The following PLA2G4C variants were observed in gnomAD, a reference collection of about 807,000 sequenced individuals.
PLA2G4C encodes cytosolic phospholipase A2 gamma.
Under a neutral mutation model 73.8 loss-of-function variants are expected in PLA2G4C, and 64 were observed. The ratio of observed to expected loss-of-function variants is 0.87; its 90% CI spans 0.71 to 1.07. The LOEUF (loss-of-function observed/expected upper bound fraction) is 1.07, where lower values mean the gene tolerates loss of function less well. Ranked by LOEUF, PLA2G4C falls within the 50% of genes least tolerant of loss-of-function variation. The pLI is 0.00. For synonymous variants in PLA2G4C, 254 were observed against 252.1 expected, an observed-to-expected ratio of 1.01 and a Z score of -0.07; for missense variants, 622 against 665.4, an observed-to-expected ratio of 0.93 and a Z score of 0.72.
chr19:48,098,133 G>C lies in PLA2G4C; in HGVS notation c.568+6C>G. Reference sequence around the variant, plus strand: ...TACCTCTCCCTCCCTCTAAATGTTTGCTTACCTGGTGCTCTTGCCTCCTGC... The same window carrying C: ...TACCTCTCCCTCCCTCTAAATGTTTCCTTACCTGGTGCTCTTGCCTCCTGC... On this transcript the variant is annotated splice_donor_region_variant and intron_variant, in intron 6 of 16. Transcript: ENST00000599921. The C allele has an allele frequency of 6.2e-7, 1 of 1,613,082 alleles. No individual in the cohort carries two copies. Among genetic ancestry groups the C allele is most frequent in the African/African-American group, 1.3e-5 (1 of 74,986 alleles).
intron 14 of PLA2G4C, among the ~76,000 whole-genome samples, chr19:48,058,212 T>A (rs1235421988): frequency 1.3e-5 from 2 of 151,716 alleles, no homozygotes; most frequent in African/African-American, 4.8e-5. Context: ...GGCAGGAGAA[T>A]CGCTTGAACC....
At chr19:48,091,901 AAAAAAAAAT>A (rs1188469276) in intron 7 of PLA2G4C, among the ~76,000 whole-genome samples, 19 of 147,784 alleles carry the variant, frequency 1.3e-4, no homozygotes, top group Non-Finnish European at 2.1e-4. Flanking sequence ...AAAAAAAAAA[AAAAAAAAAT>A]AGACACACCC....
chr19:48,055,105 AAGACCCCTGG>A (rs1967887003), intron 14 of PLA2G4C, 56 bp from the exon 15 acceptor site: 2 of 1,443,352 alleles, frequency 1.4e-6, no homozygotes, highest in Non-Finnish European at 1.9e-6. Context: ...ACCCCTCCAG[AAGACCCCTGG>A]GGCCTGGAGA....
intron 6 of PLA2G4C, among the ~76,000 whole-genome samples, chr19:48,095,988 T>C (rs927529632): frequency 2.0e-5 from 3 of 152,180 alleles, no homozygotes; most frequent in Non-Finnish European, 2.9e-5. Flanking sequence ...GTCATTAGAA[T>C]ATTCCAGGGA....
chr19:48,104,469 C>T (rs251672), intron 4 of PLA2G4C, 119 bp downstream of exon 4: 9,960 of 928,016 alleles, frequency 0.011, 85 homozygotes, highest in Middle Eastern at 0.034. Flanking sequence ...GGACACCCAG[C>T]TAGTACCAGA....
In PLA2G4C at chr19:48,077,975, C is replaced by T. The variant is rs1175179043; in HGVS notation, c.845-151G>A. The T allele has an allele frequency of 2.1e-5, 12 of 572,262 alleles. No individual in the cohort carries two copies. The East Asian group carries it at 2.4e-4, about 11-fold the overall frequency. 35.4% of individuals were successfully genotyped at this position (572,262 alleles called of 1,614,324 possible). On this transcript the variant is annotated intron_variant, in intron 10 of 16. Transcript: ENST00000599921. ...GGTTCTGGAGAGCTAATTTTGTACC[C>T]GTCTTCCAACTCTGTGCTCGCTGAC...
chr19:48,075,981 A>T (rs1463870126), intron 11 of PLA2G4C, among the ~76,000 whole-genome samples: 1 of 152,246 alleles, frequency 6.6e-6, no homozygotes, highest in South Asian at 2.1e-4. Flanking sequence ...GCCATGTGGC[A>T]AGAAGTTGGC....
chr19:48,067,720 A>C lies in PLA2G4C; in HGVS notation c.1102+71T>G, dbSNP rs1600181029. On this transcript the variant is annotated intron_variant, in intron 13 of 16. Transcript: ENST00000599921. ...ACCAGCCTGGGATTGTTTCAGGCCC[A>C]CCCCCTTCCCCTACTCCAGCCCATT... is the stretch of plus-strand genomic sequence containing the variant. 6 of 1,034,216 alleles carry C rather than the reference A, an allele frequency of 5.8e-6. No individual in the cohort carries two copies. In the East Asian group the frequency reaches 1.4e-4, roughly 25 times the overall value. 64.1% of individuals were successfully genotyped at this position (1,034,216 alleles called of 1,614,324 possible).
At chr19:48,096,603 C>T (rs1370271581) in intron 6 of PLA2G4C, 1 of 152,522 alleles carries the variant, frequency 6.6e-6, no homozygotes, top group African/African-American at 2.4e-5. Flanking sequence ...AACAGACAAA[C>T]ACCATTCACA....
intron 10 of PLA2G4C, among the ~76,000 whole-genome samples, chr19:48,080,319 A>C (rs1458950527): frequency 6.6e-6 from 1 of 151,998 alleles, no homozygotes; most frequent in Non-Finnish European, 1.5e-5. Context: ...ATAAAAATTC[A>C]AAAAAAACCA....
chr19:48,084,748 CTATTAT>C (rs1380864962), intron 10 of PLA2G4C, among the ~76,000 whole-genome samples: 1 of 152,200 alleles, frequency 6.6e-6, no homozygotes, highest in African/African-American at 2.4e-5. Context: ...CTCATAACTA[CTATTAT>C]TATCACCCAC....
Position 48,110,545 on chromosome 19 carries a change from G to T in PLA2G4C, c.-91C>A, listed in dbSNP as rs1309140069. The T allele has an allele frequency of 5.9e-6, 9 of 1,529,534 alleles. No homozygotes were observed. The highest frequency in any genetic ancestry group is 7.9e-6 in the Non-Finnish European group (9 of 1,141,384). The allele number at this position is 1,529,534 out of a possible 1,614,324, so 94.7% of individuals were successfully genotyped here. A position where few individuals can be genotyped will look rare whatever the true frequency, so the allele number is the denominator to read the frequency against. Reference sequence around the variant, plus strand: ...GGTGGAGCTTGTGCTCCGGAATCCGGTGCGGAGGCTTGGGCTCCCTGCGCT... The same window carrying T: ...GGTGGAGCTTGTGCTCCGGAATCCGTTGCGGAGGCTTGGGCTCCCTGCGCT... On this transcript the variant is annotated 5_prime_UTR_variant, in exon 1 of 17. Coordinates refer to ENST00000599921, the MANE Select transcript of PLA2G4C (RefSeq NM_003706.3).
intron 8 of PLA2G4C, chr19:48,090,068 T>A: frequency 2.7e-6 from 1 of 373,468 alleles, no homozygotes; most frequent in Non-Finnish European, 4.9e-6. Flanking sequence ...ATAACTACTG[T>A]TATTATCACC....
intron 1 of PLA2G4C, among the ~76,000 whole-genome samples, chr19:48,107,030 A>T (rs2032270350): frequency 6.6e-6 from 1 of 152,104 alleles, no homozygotes; most frequent in East Asian, 1.9e-4. Flanking sequence ...TTTTTAGTAG[A>T]GATGGGGTTT....
At position 48,072,868 on chromosome 19, in the gene PLA2G4C, A is replaced by G. The variant is rs1377368300; in HGVS notation, c.1006+1899T>C. 1.3e-5 allele frequency: 2 copies of G among 152,258 alleles called. No homozygotes were observed. Among genetic ancestry groups the G allele is most frequent in the Non-Finnish European group, 2.9e-5 (2 of 68,068 alleles). The allele number at this position is 152,258 out of a possible 1,614,324, so 9.4% of individuals were successfully genotyped here. On this transcript the variant is annotated intron_variant, in intron 12 of 16. Transcript: ENST00000599921. This position sits in a 1 kb window ranked among gnomAD's most constrained non-coding sequence, Gnocchi z 4.4. ...TGTGTCTGTGCCTGGACACCGGGTCATCACAGAGGTGAGAGGTTGGATGTC... is the reference window on the plus strand; with the variant it reads ...TGTGTCTGTGCCTGGACACCGGGTCGTCACAGAGGTGAGAGGTTGGATGTC...
intron 6 of PLA2G4C, chr19:48,096,604 A>G (rs1325169769): frequency 6.6e-6 from 1 of 152,418 alleles, no homozygotes; most frequent in Non-Finnish European, 1.5e-5. Context: ...ACAGACAAAC[A>G]CCATTCACAC....
chr19:48,110,458 A>C (rs2032437854), intron 1 of PLA2G4C, 29 bp downstream of exon 1: 3 of 1,399,026 alleles, frequency 2.1e-6, no homozygotes, highest in Non-Finnish European at 2.7e-6. Flanking sequence ...CAGCGGGATG[A>C]AACAGCCCTC....
chr19:48,100,694 G>A (rs546745880), intron 4 of PLA2G4C, among the ~76,000 whole-genome samples: 1 of 150,602 alleles, frequency 6.6e-6, no homozygotes, highest in Non-Finnish European at 1.5e-5. Context: ...CGGATCACGA[G>A]GTCAGGAGAT....
Position 48,110,550 on chromosome 19 carries a change from G to GAGGCTTGGGCTCCGGAATCCGGTGCGC in PLA2G4C, c.-97_-96insGCGCACCGGATTCCGGAGCCCAAGCCT. ...AGCTTGTGCTCCGGAATCCGGTGCGGAGGCTTGGGCTCCCTGCGCTTAGCG... is the reference window on the plus strand; with the variant it reads ...AGCTTGTGCTCCGGAATCCGGTGCGGAGGCTTGGGCTCCGGAATCCGGTGCGCAGGCTTGGGCTCCCTGCGCTTAGCG... On this transcript the variant is annotated 5_prime_UTR_variant, in exon 1 of 17. Transcript: ENST00000599921. 2.0e-6 allele frequency: 3 copies of GAGGCTTGGGCTCCGGAATCCGGTGCGC among 1,524,610 alleles called. No individual in the cohort carries two copies. The highest frequency in any genetic ancestry group is 1.2e-5 in the South Asian group (1 of 82,866). The allele number at this position is 1,524,610 out of a possible 1,614,324, so 94.4% of individuals were successfully genotyped here.
Sources: allele counts gnomAD v4.1 joint callset (sites outside exome capture counted in the v4.1 genomes callset), GRCh38; gene constraint gnomAD v4.1.1; non-coding constraint Gnocchi (gnomAD v3.1); transcripts MANE v1.5; gene names NCBI Gene and HGNC (gene_info 2026-07-23, HGNC 2026-07-21).